The following ABL2 variants were observed in gnomAD, a reference collection of about 807,000 sequenced individuals.
The protein encoded by ABL2 is tyrosine-protein kinase ABL2.
In ABL2, 49 loss-of-function variants were observed where a neutral mutation model predicts 107.7. The ratio of observed to expected loss-of-function variants is 0.45; its 90% CI spans 0.36 to 0.58. ABL2 has a LOEUF of 0.58. ABL2 is among the 20% of genes least tolerant of loss of function. The pLI is 0.00. For missense variants in ABL2, 1,245 were observed against 1,457.0 expected (o/e 0.85, Z 2.37); for synonymous variants, 549 against 548.6 (o/e 1.00, Z -0.01).
In ABL2 at chr1:179,127,048, T is replaced by G. The variant is rs114487047; in HGVS notation, c.392-376A>C. On this transcript the variant is annotated intron_variant, in intron 3 of 11. Coordinates refer to ENST00000502732, the MANE Select transcript of ABL2 (RefSeq NM_007314.4). Reference sequence around the variant, plus strand: ...AAGAAAATTCACTTTCCCTCAAAAGTTTATCAAGGAATGTATCTTATATAT... The same window carrying G: ...AAGAAAATTCACTTTCCCTCAAAAGGTTATCAAGGAATGTATCTTATATAT... Among the ~76,000 whole-genome samples the G allele has an allele frequency of 6.1e-3, 926 of 152,274 alleles. 9 individuals are homozygous for G. Among genetic ancestry groups the G allele is most frequent in the Admixed American group, 6.7e-3 (102 of 15,292 alleles).
chr1:179,169,266 T>G (rs1285801745), intron 1 of ABL2, among the ~76,000 whole-genome samples: 1 of 151,982 alleles, frequency 6.6e-6, no homozygotes, highest in Non-Finnish European at 1.5e-5. Flanking sequence ...ACTAAGAGAC[T>G]GGCCGGGTGC....
At chr1:179,193,513 T>C (rs992050955) in intron 1 of ABL2, among the ~76,000 whole-genome samples, 2 of 151,280 alleles carry the variant, frequency 1.3e-5, no homozygotes, top group African/African-American at 4.9e-5. Flanking sequence ...CAAGCAATTC[T>C]CCTGCTTCAG....
chr1:179,121,957 G>A, intron 4 of ABL2, 90 bp from the exon 5 acceptor site: 1 of 1,210,172 alleles, frequency 8.3e-7, no homozygotes, highest in Non-Finnish European at 1.1e-6. Context: ...ATGGAGTCTT[G>A]TTCTGTCACC....
chr1:179,227,736 G>T (rs1663298855), intron 1 of ABL2, among the ~76,000 whole-genome samples: 1 of 152,140 alleles, frequency 6.6e-6, no homozygotes, highest in African/African-American at 2.4e-5. Flanking sequence ...ATACCCGAAA[G>T]AGACACTCAA....
At chr1:179,128,702 T>C (rs1043297252) in intron 3 of ABL2, among the ~76,000 whole-genome samples, 1 of 152,210 alleles carries the variant, frequency 6.6e-6, no homozygotes, top group African/African-American at 2.4e-5. Context: ...TTTGTTTGTT[T>C]TGAAACAGGT....
chr1:179,118,807 CAA>C, intron 6 of ABL2, 43 bp from the exon 7 acceptor site: 1 of 1,591,798 alleles, frequency 6.3e-7, no homozygotes, highest in Non-Finnish European at 8.6e-7. Context: ...AGTGTACATT[CAA>C]ACACTCCAAA....
At chr1:179,196,238 T>C (rs1397776792) in intron 1 of ABL2, among the ~76,000 whole-genome samples, 1 of 152,214 alleles carries the variant, frequency 6.6e-6, no homozygotes, top group Non-Finnish European at 1.5e-5. Context: ...TTTTGTCTTG[T>C]TTTTGGAGTT....
intron 1 of ABL2, among the ~76,000 whole-genome samples, chr1:179,206,401 CAT>C (rs1455170341): frequency 6.6e-6 from 1 of 150,994 alleles, no homozygotes; most frequent in Non-Finnish European, 1.5e-5. Context: ...TAAAATGACA[CAT>C]ATTAGGGTTT....
intron 1 of ABL2, among the ~76,000 whole-genome samples, chr1:179,197,440 AG>A (rs750048469): frequency 3.9e-5 from 6 of 151,994 alleles, no homozygotes; most frequent in Non-Finnish European, 7.4e-5. Context: ...TATGACTTTG[AG>A]GGCCCTTTTA....
chr1:179,202,150 T>C (rs976166289), intron 1 of ABL2, among the ~76,000 whole-genome samples: 1 of 152,026 alleles, frequency 6.6e-6, no homozygotes, highest in African/African-American at 2.4e-5. Context: ...CAATTTAACA[T>C]ATATATCATT....
intron 1 of ABL2, among the ~76,000 whole-genome samples, chr1:179,161,248 T>C (rs1435833157): frequency 6.6e-6 from 1 of 151,602 alleles, no homozygotes; most frequent in Non-Finnish European, 1.5e-5. Context: ...CCTGGCACAA[T>C]AGTGCCCATC....
intron 1 of ABL2, chr1:179,184,166 G>T: frequency 2.4e-6 from 1 of 415,936 alleles, no homozygotes; most frequent in South Asian, 2.3e-5. Flanking sequence ...TGCTTAGGGA[G>T]GAGGACAAAG....
Position 179,202,082 on chromosome 1 carries a change from T to A in ABL2, c.157+27159A>T, listed in dbSNP as rs539292321. ...TTTGAGGCAAAAGAAAAAAAAAGATTTAAAGATAGTAAAAAAAAAAAATAA... is the reference window on the plus strand; with the variant it reads ...TTTGAGGCAAAAGAAAAAAAAAGATATAAAGATAGTAAAAAAAAAAAATAA... On this transcript the variant is annotated intron_variant, in intron 1 of 11. Coordinates refer to ENST00000502732, the MANE Select transcript of ABL2 (RefSeq NM_007314.4). Among the ~76,000 whole-genome samples, 74 of 120,896 alleles carry A rather than the reference T, an allele frequency of 6.1e-4. 1 individual carries two copies. The highest frequency in any genetic ancestry group is 1.1e-4 in the Non-Finnish European group (6 of 55,176). The allele number at this position is 120,896 out of a possible 152,430, so 79.3% of individuals were successfully genotyped here.
intron 1 of ABL2, among the ~76,000 whole-genome samples, chr1:179,146,499 T>C (rs1442466102): frequency 3.9e-5 from 6 of 152,158 alleles, no homozygotes; most frequent in Admixed American, 2.6e-4. Context: ...TTTTAGAATA[T>C]GTGCATATAT....
At position 179,133,383 on chromosome 1, in the gene ABL2, GA is replaced by G. The variant is rs767859020; in HGVS notation, c.158-10del. ...ACAGCTGGCAAAGTGATCTATTTAA[GA>G]AAAAAATTGACCACGTCACTTTTCT... On this transcript the variant is annotated splice_polypyrimidine_tract_variant and intron_variant, in intron 1 of 11. Transcript: ENST00000502732. The G allele has an allele frequency of 1.2e-6, 2 of 1,613,828 alleles. No individual in the cohort carries two copies. Among genetic ancestry groups the G allele is most frequent in the East Asian group, 2.2e-5 (1 of 44,874 alleles).
chr1:179,158,093 G>A (rs1285559803), intron 1 of ABL2, among the ~76,000 whole-genome samples: 1 of 152,184 alleles, frequency 6.6e-6, no homozygotes, highest in South Asian at 2.1e-4. Context: ...GAGAGTCAAG[G>A]AAAGAATACA....
At chr1:179,197,867 C>CA (rs71804838) in intron 1 of ABL2, among the ~76,000 whole-genome samples, 53,929 of 136,978 alleles carry the variant, frequency 0.39, 10,517 homozygotes, top group East Asian at 0.48. Flanking sequence ...GAAACTGTCT[C>CA]AAAAAAAAAA....
intron 1 of ABL2, among the ~76,000 whole-genome samples, chr1:179,185,776 T>C (rs1660652651): frequency 6.6e-6 from 1 of 152,184 alleles, no homozygotes; most frequent in Non-Finnish European, 1.5e-5. Flanking sequence ...TGAGAATTTA[T>C]TAATAAGAAT....
At chr1:179,157,264 G>A (rs1227146675) in intron 1 of ABL2, among the ~76,000 whole-genome samples, 1 of 152,158 alleles carries the variant, frequency 6.6e-6, no homozygotes, top group Admixed American at 6.5e-5. Context: ...GGAGGCTGAG[G>A]CAAGCAGATC....
Sources: gnomAD v4.1 joint callset for allele counts (sites outside exome capture counted in the v4.1 genomes callset) on GRCh38, gnomAD v4.1.1 for gene constraint, MANE v1.5 for transcripts, NCBI Gene and HGNC (gene_info 2026-07-23, HGNC 2026-07-21) for gene names.